Variants in C16orf96 observed in about 807,000 individuals in gnomAD.
The protein encoded by C16orf96 is chromosome 16 open reading frame 96.
A neutral mutation model predicts 103.6 loss-of-function variants in C16orf96; 108 were observed. The ratio of observed to expected loss-of-function variants is 1.04; its 90% CI spans 0.89 to 1.22. C16orf96 has a LOEUF of 1.22. Ranked by LOEUF, C16orf96 falls within the 50% of genes most tolerant of loss-of-function variation. C16orf96 has a pLI of 0.00. For synonymous variants in C16orf96, 566 were observed against 593.5 expected (o/e 0.95, Z 0.67); for missense variants, 1,586 against 1,464.2 (o/e 1.08, Z -1.36).
At chr16:4,589,433 G>T (rs1283921029) in intron 9 of C16orf96, among the ~76,000 whole-genome samples, 1 of 130,612 alleles carries the variant, frequency 7.7e-6, no homozygotes, top group Non-Finnish European at 1.7e-5. Context: ...AAAAAAAAAA[G>T]CCAGGTGTGG....
chr16:4,575,894 A>C lies in C16orf96; in HGVS notation c.1414A>C (p.Arg472=). Residue 472 remains arginine (R), a synonymous_variant, in exon 5 of 16, where the codon AGG becomes CGG. Transcript: ENST00000444310. ...DVPSLRGLRE[R]ARKDGAPKDR... Reference sequence around the variant, plus strand: ...CCCCAGCCTAAGGGGCCTTCGGGAGAGGGCCCGCAAGGATGGGGCCCCCAA... The same window carrying C: ...CCCCAGCCTAAGGGGCCTTCGGGAGCGGGCCCGCAAGGATGGGGCCCCCAA... 1 of 1,551,526 alleles carries C rather than the reference A, an allele frequency of 6.4e-7. No homozygotes were observed.
At chr16:4,548,786 T>G in the C16orf96 span, among the ~76,000 whole-genome samples, 1 of 150,810 alleles carries the variant, frequency 6.6e-6, no homozygotes, top group Non-Finnish European at 1.5e-5. Flanking sequence ...GGCAGGAGAA[T>G]CGCTTGAACC....
In C16orf96 at chr16:4,576,157, T is replaced by C. The variant is rs977064860; in HGVS notation, c.1677T>C (p.Ser559=). 130 of 1,551,146 alleles carry C rather than the reference T, an allele frequency of 8.4e-5. No homozygotes were observed. Among genetic ancestry groups the C allele is most frequent in the Non-Finnish European group, 1.1e-4 (125 of 1,147,008 alleles). Residue 559 remains serine, a synonymous_variant, in exon 5 of 16, where the codon TCT becomes TCC. Transcript: ENST00000444310. The part of the protein sequence containing the change: ...PKEAQPKAPQ[S]ALHRLKTTAA... The stretch of plus-strand genomic sequence containing the variant: ...AAGCACAGCCTAAGGCTCCCCAGTC[T>C]GCCCTTCACCGGCTGAAAACCACCG...
intron 7 of C16orf96, among the ~76,000 whole-genome samples, chr16:4,581,151 T>TATATATATATATATATGTATAC (rs2059581934): frequency 1.2e-5 from 1 of 82,718 alleles, no homozygotes; most frequent in Non-Finnish European, 2.1e-5. Context: ...CATATATATA[T>TATATATATATATATATGTATAC]ATATATATAT....
chr16:4,547,455 G>T, the C16orf96 span, among the ~76,000 whole-genome samples: 1 of 148,644 alleles, frequency 6.7e-6, no homozygotes, highest in African/African-American at 2.6e-5. Flanking sequence ...GTGTGATTCA[G>T]TTTACATTAA....
In C16orf96 at chr16:4,576,360, G is replaced by A. The variant is rs2059509397; in HGVS notation, c.1880G>A (p.Gly627Glu). 1 of 1,550,888 alleles carries A rather than the reference G, an allele frequency of 6.4e-7. No homozygotes were observed. The highest frequency in any genetic ancestry group is 1.4e-5 in the African/African-American group (1 of 73,168). Residue 627 changes from glycine to glutamate, a missense_variant, in exon 5 of 16, where the codon GGG (glycine) becomes GAG (glutamate). Physicochemically the swap from Gly to Glu is moderately conservative, Grantham distance 98 (BLOSUM62 -2). Transcript: ENST00000444310. ...LGVFADVLGAGPSRGATESQI... is the reference protein window; with the variant it reads ...LGVFADVLGAEPSRGATESQI... ...GTCTTTGCAGATGTCCTGGGTGCAG[G>A]GCCTTCCCGGGGAGCCACAGAATCC... is the stretch of plus-strand genomic sequence containing the variant.
At chr16:4,549,487 A>AG in the C16orf96 span, among the ~76,000 whole-genome samples, 1 of 151,198 alleles carries the variant, frequency 6.6e-6, no homozygotes, top group East Asian at 1.9e-4. Flanking sequence ...AAAAAAAAAA[A>AG]AAACAACCAA....
At chr16:4,561,868 C>T (rs2141695538) in intron 1 of C16orf96, among the ~76,000 whole-genome samples, 1 of 152,292 alleles carries the variant, frequency 6.6e-6, no homozygotes, top group African/African-American at 2.4e-5. Flanking sequence ...CCCAGTCTGC[C>T]TCCTTCAGGC....
chr16:4,591,776 C>T lies in C16orf96; in HGVS notation c.2703C>T (p.Gly901=). ...GACTGGATCCTGACAGTGCTGCTGG[C>T]TTTAGGAGGTGAGTGCCCGCCCGAG... ...GLRLDPDSAA[G]FRRKLFKRVK... Residue 901 remains glycine, a synonymous_variant, in exon 10 of 16, where the codon GGC becomes GGT. Transcript: ENST00000444310. The T allele has an allele frequency of 6.5e-7, 1 of 1,549,302 alleles. No homozygotes were observed. Among genetic ancestry groups the T allele is most frequent in the Non-Finnish European group, 8.7e-7 (1 of 1,146,332 alleles).
intron 9 of C16orf96, among the ~76,000 whole-genome samples, chr16:4,589,841 C>T (rs920886445): frequency 3.3e-5 from 5 of 152,130 alleles, no homozygotes; most frequent in African/African-American, 9.7e-5. Context: ...AATACTCCAT[C>T]GGCTAGGCAC....
chr16:4,579,591 A>C (rs1238092001), intron 6 of C16orf96, among the ~76,000 whole-genome samples: 1 of 137,600 alleles, frequency 7.3e-6, no homozygotes, highest in South Asian at 2.5e-4. Flanking sequence ...TGGCAGGTGG[A>C]AGGCACCCTG....
At chr16:4,544,568 T>C in the C16orf96 span, among the ~76,000 whole-genome samples, 1 of 152,198 alleles carries the variant, frequency 6.6e-6, no homozygotes, top group Non-Finnish European at 1.5e-5. Flanking sequence ...GTGATCACGC[T>C]GCTGCACTCC....
chr16:4,544,870 G>T, the C16orf96 span, among the ~76,000 whole-genome samples: 2 of 152,076 alleles, frequency 1.3e-5, no homozygotes, highest in Non-Finnish European at 2.9e-5. Context: ...TAGATGAGAC[G>T]ATTGAAGTGT....
chr16:4,555,688 CTTTTCTTTTCTTTTTT>C (rs2059256352), upstream of C16orf96, among the ~76,000 whole-genome samples: 1 of 147,126 alleles, frequency 6.8e-6, no homozygotes, highest in Non-Finnish European at 1.5e-5. Flanking sequence ...TTTTCTTTTT[CTTTTCTTTTCTTTTTT>C]TTTTTTTTTT....
At chr16:4,599,727 G>A (rs1897245866) in intron 15 of C16orf96, among the ~76,000 whole-genome samples, 1 of 152,252 alleles carries the variant, frequency 6.6e-6, no homozygotes, top group South Asian at 2.1e-4. Context: ...CCCGACTCCT[G>A]TGAGGCAGGC....
chr16:4,579,968 T>C, intron 6 of C16orf96, 47 bp from the exon 7 acceptor site: 3 of 1,487,774 alleles, frequency 2.0e-6, no homozygotes, highest in Non-Finnish European at 2.8e-6. Context: ...CCGGCCATGG[T>C]AACTTCAGAA....
chr16:4,566,573 C>T (rs1196467658), intron 1 of C16orf96, among the ~76,000 whole-genome samples: 2 of 152,134 alleles, frequency 1.3e-5, no homozygotes, highest in African/African-American at 2.4e-5. Flanking sequence ...TCTGCATATA[C>T]TGGGTCAGAT....
upstream of C16orf96, among the ~76,000 whole-genome samples, chr16:4,556,276 T>G (rs1203732993): frequency 1.3e-5 from 2 of 152,118 alleles, no homozygotes; most frequent in African/African-American, 2.4e-5. Flanking sequence ...GACTTTGAAT[T>G]GCGCCCGTTT....
rs1897065691 is a variant in C16orf96, at chr16:4,591,801, G to A, written c.2711+17G>A. 4 of 1,465,176 alleles carry A rather than the reference G, an allele frequency of 2.7e-6. No homozygotes were observed. Among genetic ancestry groups the A allele is most frequent in the African/African-American group, 1.5e-5 (1 of 67,472 alleles). The allele number at this position is 1,465,176 out of a possible 1,614,324, so 90.8% of individuals were successfully genotyped here. ...CTTTAGGAGGTGAGTGCCCGCCCGA[G>A]CCCCTCCTGGTAGGGGTCCTGCTGC... On this transcript the variant is annotated intron_variant, in intron 10 of 15. Coordinates refer to ENST00000444310, the MANE Select transcript of C16orf96 (RefSeq NM_001145011.2).
Sources: gnomAD v4.1 joint callset for allele counts (sites outside exome capture counted in the v4.1 genomes callset) on GRCh38, gnomAD v4.1.1 for gene constraint, MANE v1.5 for transcripts, NCBI Gene and HGNC (gene_info 2026-07-23, HGNC 2026-07-21) for gene names.